Variants in FBXL17 observed in about 807,000 individuals in gnomAD.
FBXL17 encodes F-box and leucine rich repeat protein 17.
In FBXL17, 22 loss-of-function variants were observed where a neutral mutation model predicts 66.2. The observed-to-expected ratio is 0.33, with a 90% CI of 0.24 to 0.47. The LOEUF is 0.47. Among genes scored for constraint, FBXL17 ranks in the 20% least tolerant of loss-of-function variants. The pLI, the probability that FBXL17 is intolerant of heterozygous loss-of-function variation, is 1.00. For missense variants in FBXL17, 878 were observed against 948.2 expected (o/e 0.93, Z 0.97); for synonymous variants, 474 against 400.5 (o/e 1.18, Z -2.19).
At chr5:108,136,859 T>C (rs765265425) in intron 6 of FBXL17, among the ~76,000 whole-genome samples, 1 of 152,164 alleles carries the variant, frequency 6.6e-6, no homozygotes, top group Non-Finnish European at 1.5e-5. Flanking sequence ...AAAGGAAGAT[T>C]TGATGAATCC....
At chr5:108,218,613 C>G (rs1403933200) in intron 5 of FBXL17, among the ~76,000 whole-genome samples, 3 of 152,092 alleles carry the variant, frequency 2.0e-5, no homozygotes, top group African/African-American at 4.8e-5. Context: ...TTTTTAATAA[C>G]AGCCATTCTA....
intron 4 of FBXL17, among the ~76,000 whole-genome samples, chr5:108,309,467 G>A (rs1386457064): frequency 6.6e-6 from 1 of 151,604 alleles, no homozygotes; most frequent in Non-Finnish European, 1.5e-5. Flanking sequence ...TAAAAACAAA[G>A]GAAACAATCA....
chr5:108,226,100 A>T (rs111248814), intron 4 of FBXL17, among the ~76,000 whole-genome samples: 21 of 152,208 alleles, frequency 1.4e-4, no homozygotes, highest in African/African-American at 4.6e-4. Flanking sequence ...TTTCTTCATA[A>T]CACTTATCAC....
chr5:108,139,029 G>A (rs1751251575), intron 6 of FBXL17, among the ~76,000 whole-genome samples: 1 of 152,184 alleles, frequency 6.6e-6, no homozygotes, highest in South Asian at 2.1e-4. Context: ...GTATTCATAT[G>A]TGGCCAACTG....
intron 6 of FBXL17, among the ~76,000 whole-genome samples, chr5:108,185,618 G>A (rs970609694): frequency 2.0e-5 from 3 of 152,006 alleles, no homozygotes; most frequent in African/African-American, 7.2e-5. Context: ...CAGCTGCTTG[G>A]GAGGCTGAGG....
At chr5:108,289,919 G>A (rs756105764) in intron 4 of FBXL17, among the ~76,000 whole-genome samples, 44 of 152,074 alleles carry the variant, frequency 2.9e-4, no homozygotes, top group Admixed American at 9.8e-4. Context: ...AAATTCAGGG[G>A]AAAGTCTTTG....
At position 108,077,817 on chromosome 5, in the gene FBXL17, T is replaced by C. The variant is rs533918105; in HGVS notation, c.1746-56816A>G. ...CCAAATTAACATTTTCAAATTTTTC[T>C]TCCATTTCTTCTAACTTAGAATCAC... is the stretch of plus-strand genomic sequence containing the variant. On this transcript the variant is annotated intron_variant, in intron 6 of 8. Coordinates refer to ENST00000542267, the MANE Select transcript of FBXL17 (RefSeq NM_001163315.3). Among the ~76,000 whole-genome samples, 23 of 152,364 alleles carry C rather than the reference T, an allele frequency of 1.5e-4. 1 individual carries two copies. In the South Asian group the frequency reaches 3.7e-3, roughly 25 times the overall value.
At chr5:107,883,452 G>A (rs897858679) in intron 7 of FBXL17, among the ~76,000 whole-genome samples, 1 of 152,016 alleles carries the variant, frequency 6.6e-6, no homozygotes, top group African/African-American at 2.4e-5. Flanking sequence ...GGAGCTCAGA[G>A]GCCAGTTGAG....
At chr5:108,001,962 A>G (rs1053672613) in intron 7 of FBXL17, among the ~76,000 whole-genome samples, 1 of 151,920 alleles carries the variant, frequency 6.6e-6, no homozygotes, top group Admixed American at 6.6e-5. Context: ...CAAAAATATG[A>G]TCATTACCTT....
chr5:107,941,343 A>G (rs927914307), intron 7 of FBXL17, among the ~76,000 whole-genome samples: 11 of 152,186 alleles, frequency 7.2e-5, no homozygotes, highest in Admixed American at 3.9e-4. Flanking sequence ...GTTAAAAGTC[A>G]CTTGAATCAT....
At chr5:108,305,273 T>C (rs1477844554) in intron 4 of FBXL17, among the ~76,000 whole-genome samples, 1 of 143,726 alleles carries the variant, frequency 7.0e-6, no homozygotes, top group South Asian at 2.1e-4. Context: ...CACAGACACA[T>C]GGTTCTCACA....
rs149554703 is a variant in FBXL17, at chr5:108,300,198, T to C, written c.1506+48201A>G. 3.4e-3 allele frequency among the ~76,000 whole-genome samples: 517 copies of C among 152,056 alleles called. 2 individuals are homozygous for C. The highest frequency in any genetic ancestry group is 0.012 in the African/African-American group (496 of 41,558). ...AAATAATTTTCAAAAGTTTTACTCA[T>C]TGATACTAAAGAACTCCATTTACTT... On this transcript the variant is annotated intron_variant, in intron 4 of 8. Coordinates refer to ENST00000542267, the MANE Select transcript of FBXL17 (RefSeq NM_001163315.3).
intron 6 of FBXL17, among the ~76,000 whole-genome samples, chr5:108,160,117 C>CA (rs928761286): frequency 6.6e-6 from 1 of 152,112 alleles, no homozygotes; most frequent in African/African-American, 2.4e-5. Flanking sequence ...TATTTGTACT[C>CA]ACGTTGGCCA....
At chr5:107,964,373 ATTAT>A (rs1752036253) in intron 7 of FBXL17, among the ~76,000 whole-genome samples, 1 of 152,128 alleles carries the variant, frequency 6.6e-6, no homozygotes, top group African/African-American at 2.4e-5. Flanking sequence ...GATAAAACTT[ATTAT>A]TTAGAGAATA....
intron 3 of FBXL17, among the ~76,000 whole-genome samples, 196 bp downstream of exon 3, chr5:108,364,542 A>C (rs1748540893): frequency 1.3e-5 from 2 of 152,074 alleles, no homozygotes; most frequent in South Asian, 4.1e-4. Context: ...CTCACTATAA[A>C]ACAAAGCAGT....
intron 3 of FBXL17, among the ~76,000 whole-genome samples, chr5:108,360,242 TC>T (rs1748259037): frequency 6.6e-6 from 1 of 152,224 alleles, no homozygotes; most frequent in Admixed American, 6.6e-5. Flanking sequence ...CCTGGAGGAC[TC>T]CCGTTAGCAT....
chr5:108,330,188 A>C (rs761841906), intron 4 of FBXL17, among the ~76,000 whole-genome samples: 3 of 152,196 alleles, frequency 2.0e-5, no homozygotes, highest in Admixed American at 6.5e-5. Context: ...CTTTCAATAT[A>C]GTTTTCTAGG....
At chr5:107,948,730 T>C (rs957092347) in intron 7 of FBXL17, among the ~76,000 whole-genome samples, 1 of 152,350 alleles carries the variant, frequency 6.6e-6, no homozygotes. Context: ...CATCATTAAC[T>C]AGTTATGTGA....
chr5:107,934,822 C>T (rs772447796), intron 7 of FBXL17, among the ~76,000 whole-genome samples: 12 of 152,140 alleles, frequency 7.9e-5, no homozygotes, highest in Non-Finnish European at 1.6e-4. Flanking sequence ...TTTTGAACTA[C>T]TGCCCTAATG....
Sources: gnomAD v4.1 joint callset for allele counts (sites outside exome capture counted in the v4.1 genomes callset) on GRCh38, gnomAD v4.1.1 for gene constraint, MANE v1.5 for transcripts, NCBI Gene and HGNC (gene_info 2026-07-23, HGNC 2026-07-21) for gene names.